The following ST7 variants were observed in gnomAD, a reference collection of about 807,000 sequenced individuals.
ST7 encodes suppressor of tumorigenicity 7 protein.
In ST7, 28 loss-of-function variants were observed where a neutral mutation model predicts 78.7. The observed-to-expected ratio is 0.36, with a 90% CI of 0.26 to 0.49. ST7 has a LOEUF of 0.49. Ranked by LOEUF, ST7 falls within the 20% of genes least tolerant of loss-of-function variation. ST7 has a pLI of 0.99. For missense variants in ST7, 418 were observed against 696.0 expected (o/e 0.60, Z 4.49); for synonymous variants, 247 against 249.6 (o/e 0.99, Z 0.10).
At chr7:116,989,982 C>T (rs1794355657) in intron 1 of ST7, among the ~76,000 whole-genome samples, 2 of 152,144 alleles carry the variant, frequency 1.3e-5, no homozygotes, top group South Asian at 4.1e-4. Flanking sequence ...GCTCTGTTGC[C>T]CAGGCTGGAG....
At chr7:116,997,871 C>A (rs577072555) in intron 1 of ST7, among the ~76,000 whole-genome samples, 1 of 152,260 alleles carries the variant, frequency 6.6e-6, no homozygotes, top group Non-Finnish European at 1.5e-5. Context: ...TATCTACAAT[C>A]CCTTAGCTAG....
chr7:117,113,083 G>A (rs1802564445), intron 2 of ST7, among the ~76,000 whole-genome samples: 1 of 152,182 alleles, frequency 6.6e-6, no homozygotes, highest in Admixed American at 6.5e-5. Flanking sequence ...CTGCCATTTT[G>A]GCTTTTTCAG....
chr7:117,189,528 G>A, intron 11 of ST7, 135 bp downstream of exon 11: 1 of 550,014 alleles, frequency 1.8e-6, no homozygotes, highest in Non-Finnish European at 3.1e-6. Context: ...AAAACCTGCT[G>A]TTCTTTTCTT....
At chr7:117,226,594 T>C (rs1363686132) in intron 15 of ST7, among the ~76,000 whole-genome samples, 1 of 152,214 alleles carries the variant, frequency 6.6e-6, no homozygotes, top group Non-Finnish European at 1.5e-5. Flanking sequence ...AGTCTGCACC[T>C]CCAGACATTT....
chr7:117,055,049 A>G (rs1216912340), intron 1 of ST7, among the ~76,000 whole-genome samples: 1 of 152,220 alleles, frequency 6.6e-6, no homozygotes, highest in Non-Finnish European at 1.5e-5. Flanking sequence ...AGAATTATGT[A>G]TAATAGTGAT....
chr7:117,212,557 T>C (rs1445169894), intron 13 of ST7, among the ~76,000 whole-genome samples: 1 of 152,222 alleles, frequency 6.6e-6, no homozygotes, highest in Non-Finnish European at 1.5e-5. Context: ...TGTTGTTTAA[T>C]ATTGACTTAA....
At chr7:117,109,611 G>C (rs1226931527) in intron 2 of ST7, among the ~76,000 whole-genome samples, 1 of 152,090 alleles carries the variant, frequency 6.6e-6, no homozygotes, top group Non-Finnish European at 1.5e-5. Flanking sequence ...AATTCTATCA[G>C]ACATTCAAAG....
At position 117,190,035 on chromosome 7, in the gene ST7, C is replaced by T. The variant is rs913282752; in HGVS notation, c.1151+642C>T. 1.3e-5 allele frequency: 2 copies of T among 158,022 alleles called. No homozygotes were observed. Among genetic ancestry groups the T allele is most frequent in the African/African-American group, 4.8e-5 (2 of 41,476 alleles). 9.8% of individuals were successfully genotyped at this position (158,022 alleles called of 1,614,324 possible). A position where few individuals can be genotyped will look rare whatever the true frequency, so the allele number is the denominator to read the frequency against. ...CCTCTGTAGCATCGAAAGCAGAGAA[C>T]AGGAAACCAGCCTCTGCTGTATCAG... On this transcript the variant is annotated intron_variant, in intron 11 of 15. Coordinates refer to ENST00000323984, the MANE Select transcript of ST7 (RefSeq NM_001369598.1). This position sits in a 1 kb window ranked among gnomAD's most constrained non-coding sequence, Gnocchi z 5.2.
chr7:117,024,537 C>A (rs1408331098), intron 1 of ST7, among the ~76,000 whole-genome samples: 2 of 152,196 alleles, frequency 1.3e-5, no homozygotes, highest in African/African-American at 2.4e-5. Flanking sequence ...AACACCTTAC[C>A]TGCTGAGAAA....
At chr7:117,152,896 A>G (rs550289418) in intron 9 of ST7, among the ~76,000 whole-genome samples, 1 of 152,274 alleles carries the variant, frequency 6.6e-6, no homozygotes, top group Admixed American at 6.5e-5. Context: ...AGAGAGGGAA[A>G]TGCTCACTCC....
rs531100764 is a variant in ST7 at position 117,170,718 on chromosome 7, A to G, written c.964-144A>G. On this transcript the variant is annotated intron_variant, in intron 9 of 15. Transcript: ENST00000323984. ...AAATAAGAAATACTTATTTCTTAAAATGCTTAACTCTAGTAATCATTTTAC... is the reference window on the plus strand; with the variant it reads ...AAATAAGAAATACTTATTTCTTAAAGTGCTTAACTCTAGTAATCATTTTAC... 118 of 289,888 alleles carry G rather than the reference A, an allele frequency of 4.1e-4. 1 individual carries two copies. Among genetic ancestry groups the G allele is most frequent in the African/African-American group, 2.3e-3 (105 of 45,074 alleles). The allele number at this position is 289,888 out of a possible 1,614,324, so 18.0% of individuals were successfully genotyped here.
intron 1 of ST7, among the ~76,000 whole-genome samples, chr7:117,037,815 C>G (rs951765218): frequency 6.6e-5 from 10 of 152,134 alleles, no homozygotes; most frequent in East Asian, 5.8e-4. Context: ...CCTGTAAGCT[C>G]TCTTCTCAAT....
At chr7:117,143,252 C>T (rs1330989181) in intron 9 of ST7, among the ~76,000 whole-genome samples, 2 of 152,174 alleles carry the variant, frequency 1.3e-5, no homozygotes, top group Non-Finnish European at 2.9e-5. Context: ...TTGCAGTTTC[C>T]TGTTGACCTC....
intron 1 of ST7, among the ~76,000 whole-genome samples, chr7:116,992,225 CT>C (rs754456016): frequency 6.6e-6 from 1 of 152,212 alleles, no homozygotes; most frequent in Non-Finnish European, 1.5e-5. Context: ...AGTAGGGACT[CT>C]ATGTGAGGGC....
chr7:117,155,699 C>T (rs1414654106), intron 9 of ST7, among the ~76,000 whole-genome samples: 15 of 152,158 alleles, frequency 9.9e-5, no homozygotes, highest in Admixed American at 9.8e-4. Context: ...TTAATTCTAT[C>T]TCCACATAGC....
chr7:117,099,044 C>T (rs1427663663), intron 1 of ST7, among the ~76,000 whole-genome samples: 3 of 36,810 alleles, frequency 8.1e-5, no homozygotes, highest in Non-Finnish European at 1.2e-4. Context: ...AACTCACTTT[C>T]GCAAAAAAAA....
intron 1 of ST7, among the ~76,000 whole-genome samples, chr7:116,998,367 C>G (rs1343048234): frequency 6.6e-6 from 1 of 152,226 alleles, no homozygotes; most frequent in Non-Finnish European, 1.5e-5. Flanking sequence ...CTGGTTCCTG[C>G]CTGCACCTCT....
Position 117,152,177 on chromosome 7 carries a change from CTATATATATATATATATATATA to C in ST7, c.963+13670_963+13691del, listed in dbSNP as rs58892731. 2.6e-3 allele frequency among the ~76,000 whole-genome samples: 171 copies of C among 66,864 alleles called. 4 individuals carry two copies. The East Asian group carries it at 0.039, about 15-fold the overall frequency. 43.9% of individuals were successfully genotyped at this position (66,864 alleles called of 152,430 possible). A position where few individuals can be genotyped will look rare whatever the true frequency, so the allele number is the denominator to read the frequency against. On this transcript the variant is annotated intron_variant, in intron 9 of 15. Coordinates refer to ENST00000323984, the MANE Select transcript of ST7 (RefSeq NM_001369598.1). ...AATATATGTATTATATATATAAAAACTATATATATATATATATATATATATATATATATATATATATATATAC... is the reference window on the plus strand; with the variant it reads ...AATATATGTATTATATATATAAAAACTATATATATATATATATATATATAC...
At position 116,966,742 on chromosome 7, in the gene ST7, T is replaced by A. The variant is rs115205507; in HGVS notation, c.151+13051T>A. 8.2e-3 allele frequency among the ~76,000 whole-genome samples: 1,243 copies of A among 152,322 alleles called. 13 individuals are homozygous for A. Among genetic ancestry groups the A allele is most frequent in the African/African-American group, 0.024 (1,011 of 41,578 alleles). On this transcript the variant is annotated intron_variant, in intron 1 of 15. Coordinates refer to ENST00000323984, the MANE Select transcript of ST7 (RefSeq NM_001369598.1). Reference sequence around the variant, plus strand: ...GATTTTAAGTAATTTAAGCAAAGCATCCCCTCTAGGCAGGAAGCCCAGCTG... The same window carrying A: ...GATTTTAAGTAATTTAAGCAAAGCAACCCCTCTAGGCAGGAAGCCCAGCTG...
Sources: allele counts gnomAD v4.1 joint callset (sites outside exome capture counted in the v4.1 genomes callset), GRCh38; gene constraint gnomAD v4.1.1; non-coding constraint Gnocchi (gnomAD v3.1); transcripts MANE v1.5; gene names NCBI Gene and HGNC (gene_info 2026-07-23, HGNC 2026-07-21).